The following JAML variants were observed in gnomAD, a reference collection of about 807,000 sequenced individuals.
JAML encodes the protein junctional adhesion molecule-like.
JAML carries 25 observed loss-of-function variants against 39.3 expected under a neutral mutation model. That is an observed-to-expected ratio of 0.64 (90% CI 0.46 to 0.89). JAML has a LOEUF of 0.89. Ranked by LOEUF, JAML falls within the 40% of genes least tolerant of loss-of-function variation. JAML has a pLI of 0.00. For synonymous variants in JAML, 162 were observed against 179.2 expected, an observed-to-expected ratio of 0.90 and a Z score of 0.77; for missense variants, 440 against 486.9, an observed-to-expected ratio of 0.90 and a Z score of 0.91.
rs1016393272 is a variant in JAML at position 118,222,787 on chromosome 11, G to A, written c.-21+2154C>T. Among the ~76,000 whole-genome samples the A allele has an allele frequency of 6.6e-6, 1 of 152,048 alleles. No homozygotes were observed. The highest frequency in any genetic ancestry group is 1.5e-5 in the Non-Finnish European group (1 of 68,002). ...TCTAGCTCAGAGGGTTTTAACTATTGGCCTCACCTAAAAGAGTAATGGGAC... is the reference window on the plus strand; with the variant it reads ...TCTAGCTCAGAGGGTTTTAACTATTAGCCTCACCTAAAAGAGTAATGGGAC... On this transcript the variant is annotated intron_variant, in intron 1 of 9. Coordinates refer to ENST00000356289, the MANE Select transcript of JAML (RefSeq NM_001098526.2). This position sits in a 1 kb window ranked among gnomAD's most constrained non-coding sequence, Gnocchi z 4.2.
chr11:118,214,208 G>A (rs1010035666), intron 2 of JAML, among the ~76,000 whole-genome samples: 5 of 152,214 alleles, frequency 3.3e-5, no homozygotes, highest in Admixed American at 6.5e-5. Flanking sequence ...TGAGCAACGA[G>A]AAGCTCAGCA....
chr11:118,214,700 C>T, intron 2 of JAML, 124 bp downstream of exon 2: 1 of 987,454 alleles, frequency 1.0e-6, no homozygotes, highest in Non-Finnish European at 1.5e-6. Context: ...CTGTGAAGTT[C>T]CACATTAGGG....
At chr11:118,217,505 A>G (rs1208597187) in intron 1 of JAML, among the ~76,000 whole-genome samples, 2 of 152,224 alleles carry the variant, frequency 1.3e-5, no homozygotes, top group African/African-American at 2.4e-5. Context: ...AAAAATTACT[A>G]AAAGTTTTTT....
At position 118,203,594 on chromosome 11, in the gene JAML, G is replaced by T. The variant is rs139456922; in HGVS notation, c.606C>A (p.Phe202Leu). ...CCCCCACCAGGTTCACACGATTCTGGAAGTGGCCCCAGCTCTGGGAGTACT... is the reference window on the plus strand; with the variant it reads ...CCCCCACCAGGTTCACACGATTCTGTAAGTGGCCCCAGCTCTGGGAGTACT... ...SVEYSQSWGH[F>L]QNRVNLVGDI... Residue 202 changes from phenylalanine to leucine, a missense_variant, in exon 6 of 10, where the codon TTC becomes TTA. Physicochemically the swap from Phe to Leu is conservative, Grantham distance 22 (BLOSUM62 0). Transcript: ENST00000356289. 2.4e-5 allele frequency: 38 copies of T among 1,614,052 alleles called. No individual in the cohort carries two copies.
chr11:118,216,871 A>G (rs1374870477), intron 1 of JAML, among the ~76,000 whole-genome samples: 1 of 152,090 alleles, frequency 6.6e-6, no homozygotes, highest in Non-Finnish European at 1.5e-5. Context: ...CATAAGCAAA[A>G]CCCCATTCCT....
intron 8 of JAML, chr11:118,197,543 A>C (rs559073054): frequency 6.4e-6 from 1 of 155,188 alleles, no homozygotes; most frequent in East Asian, 1.9e-4. Context: ...TTTCATTTTA[A>C]GCATTAGAAC....
chr11:118,213,400 G>C, intron 2 of JAML: 1 of 938,648 alleles, frequency 1.1e-6, no homozygotes, highest in South Asian at 4.8e-5. Context: ...CATCCAAGCT[G>C]TTTCCCTGAG....
intron 1 of JAML, among the ~76,000 whole-genome samples, chr11:118,215,513 T>C (rs958195916): frequency 3.4e-5 from 5 of 147,650 alleles, no homozygotes; most frequent in African/African-American, 1.3e-4. Context: ...CCACACTTGC[T>C]ATTTTTTTTT....
intron 7 of JAML, 30 bp downstream of exon 7, chr11:118,200,444 C>G (rs1437842280): frequency 6.2e-7 from 1 of 1,612,520 alleles, no homozygotes. Context: ...CCCCAGCCTC[C>G]CAATCCAAGG....
Position 118,220,615 on chromosome 11 carries a change from AC to A in JAML, c.-21+4325del, listed in dbSNP as rs530405701. Among the ~76,000 whole-genome samples, 321 of 152,336 alleles carry A rather than the reference AC, an allele frequency of 2.1e-3. 2 individuals are homozygous for A. The highest frequency in any genetic ancestry group is 7.6e-3 in the African/African-American group (314 of 41,580). On this transcript the variant is annotated intron_variant, in intron 1 of 9. Coordinates refer to ENST00000356289, the MANE Select transcript of JAML (RefSeq NM_001098526.2). ...AACTTGGCCTCCTCGATCTTTTATA[AC>A]CAAGAGCAGAATAAGGAGGCCAGGG...
intron 1 of JAML, among the ~76,000 whole-genome samples, chr11:118,223,522 A>G (rs1949230941): frequency 6.6e-6 from 1 of 152,176 alleles, no homozygotes; most frequent in Non-Finnish European, 1.5e-5. Flanking sequence ...TAAAATAATG[A>G]GATTTTTGTT....
Position 118,200,554 on chromosome 11 carries a change from G to A in JAML, c.831C>T (p.Ile277=), listed in dbSNP as rs1436392724. The A allele has an allele frequency of 1.2e-6, 2 of 1,614,088 alleles. No individual in the cohort carries two copies. Among genetic ancestry groups the A allele is most frequent in the Non-Finnish European group, 1.7e-6 (2 of 1,179,984 alleles). The part of the protein sequence containing the change: ...PLVLGGNQLV[I]IVGIVCATIL... ...TTGTGGCACAGACAATTCCCACAAT[G>A]ATCACCAACTGATTACCACCCAAGA... The change falls in exon 7 of 10, where the codon ATC becomes ATT. Residue 277 remains isoleucine (I), a synonymous_variant. Coordinates refer to ENST00000356289, the MANE Select transcript of JAML (RefSeq NM_001098526.2).
chr11:118,199,546 A>T (rs1349548100), intron 7 of JAML, among the ~76,000 whole-genome samples: 1 of 152,144 alleles, frequency 6.6e-6, no homozygotes, highest in Non-Finnish European at 1.5e-5. Flanking sequence ...AGCATACTCC[A>T]TCGATAGTTG....
chr11:118,210,862 C>T (rs1369026956), intron 3 of JAML, 150 bp from the exon 4 acceptor site: 2 of 650,988 alleles, frequency 3.1e-6, no homozygotes, highest in South Asian at 1.9e-5. Flanking sequence ...AAATAATGTG[C>T]CAGGCAACAG....
intron 1 of JAML, among the ~76,000 whole-genome samples, chr11:118,224,335 C>T (rs971098127): frequency 3.3e-5 from 5 of 152,114 alleles, no homozygotes; most frequent in African/African-American, 1.2e-4. Context: ...GTGTAACAAG[C>T]ATGGACAGTA....
intron 7 of JAML, among the ~76,000 whole-genome samples, chr11:118,198,693 T>A (rs1047866824): frequency 1.7e-4 from 24 of 139,392 alleles, no homozygotes; most frequent in Middle Eastern, 3.7e-3. Flanking sequence ...AAAAAAAAAA[T>A]TCAAGGTTTA....
rs755024063 is a variant in JAML at position 118,212,501 on chromosome 11, C to T, written c.104G>A (p.Gly35Asp). 4 of 1,614,180 alleles carry T rather than the reference C, an allele frequency of 2.5e-6. No homozygotes were observed. The highest frequency in any genetic ancestry group is 3.4e-6 in the Non-Finnish European group (4 of 1,180,016). Residue 35 changes from glycine to aspartate, a missense_variant, in exon 3 of 10, where the codon GGT (glycine) becomes GAT (aspartate). Transcript: ENST00000356289. ...AACACATCCCATCAGAGCTGAATCA[C>T]CCACATGGACTGTTAGCTCAGGCGG... Reference protein sequence around the residue: ...VSPPELTVHVGDSALMGCVFQ... With the variant: ...VSPPELTVHVDDSALMGCVFQ...
rs766049530 is a variant in JAML, at chr11:118,200,491, C to T, written c.894G>A (p.Lys298=). The change falls in exon 7 of 10, where the codon AAG becomes AAA. Residue 298 remains lysine (K), a synonymous_variant. Transcript: ENST00000356289. ...CCCTGTACCTCTTATTTCCACAGGT[C>T]TTCTTCACGATCAATATCAGAACAG... is the stretch of plus-strand genomic sequence containing the variant. ...LLPVLILIVK[K]TCGNKSSVNS... is the part of the protein sequence containing the mutation. 57 of 1,614,140 alleles carry T rather than the reference C, an allele frequency of 3.5e-5. No individual in the cohort carries two copies. Among genetic ancestry groups the T allele is most frequent in the Non-Finnish European group, 4.7e-5 (56 of 1,180,002 alleles).
At chr11:118,215,672 T>C (rs1565484605) in intron 1 of JAML, among the ~76,000 whole-genome samples, 1 of 151,130 alleles carries the variant, frequency 6.6e-6, no homozygotes, top group Non-Finnish European at 1.5e-5. Flanking sequence ...ATCTTATTTT[T>C]CTTTTTAACT....
Sources: allele counts gnomAD v4.1 joint callset (sites outside exome capture counted in the v4.1 genomes callset), GRCh38; gene constraint gnomAD v4.1.1; non-coding constraint Gnocchi (gnomAD v3.1); transcripts MANE v1.5; gene names NCBI Gene and HGNC (gene_info 2026-07-23, HGNC 2026-07-21).